The following IQSEC3 variants were observed in gnomAD, a reference collection of about 807,000 sequenced individuals.
The protein encoded by IQSEC3 is IQ motif and SEC7 domain-containing protein 3.
In IQSEC3, 50 loss-of-function variants were observed where a neutral mutation model predicts 105.4. The ratio of observed to expected loss-of-function variants is 0.47; its 90% CI spans 0.38 to 0.60. IQSEC3 has a LOEUF of 0.60. Among genes scored for constraint, IQSEC3 ranks in the 20% least tolerant of loss-of-function variants. The pLI, the probability that IQSEC3 is intolerant of heterozygous loss-of-function variation, is 0.00. For synonymous variants in IQSEC3, 708 were observed against 746.0 expected (o/e 0.95, Z 0.83); for missense variants, 1,415 against 1,630.0 (o/e 0.87, Z 2.27).
intron 1 of IQSEC3, among the ~76,000 whole-genome samples, chr12:84,720 GC>G: frequency 6.6e-6 from 1 of 152,336 alleles, no homozygotes; most frequent in Non-Finnish European, 1.5e-5. Flanking sequence ...TTCACCAGAA[GC>G]AAACAGCTGT....
At chr12:84,914 A>G (rs1555071646) in intron 1 of IQSEC3, among the ~76,000 whole-genome samples, 2 of 152,166 alleles carry the variant, frequency 1.3e-5, no homozygotes, top group African/African-American at 4.8e-5. Context: ...TCCTCTGCAG[A>G]TGCCTGGGGT....
rs55923022 is a variant in IQSEC3 at position 138,989 on chromosome 12, C to T, written c.1626C>T (p.Ala542=). ...TSGREAPEAP[A]VGREDASAED... is the part of the protein sequence containing the mutation. ...GGCGGGAGGCCCCGGAAGCCCCCGC[C>T]GTGGGCCGGGAGGACGCGTCAGCCG... Residue 542 remains alanine, a synonymous_variant, in exon 4 of 14, where the codon GCC becomes GCT. Transcript: ENST00000538872. The surrounding 1 kb of genome is among the most constrained non-coding windows in gnomAD (Gnocchi z 7.1). 130,869 of 1,534,632 alleles carry T rather than the reference C, an allele frequency of 0.085. 7,025 individuals are homozygous for T. The highest frequency in any genetic ancestry group is 0.25 in the African/African-American group (18,196 of 72,914).
intron 1 of IQSEC3, among the ~76,000 whole-genome samples, chr12:71,184 T>A (rs1863302121): frequency 1.3e-5 from 2 of 152,294 alleles, no homozygotes; most frequent in African/African-American, 4.8e-5. Flanking sequence ...TTGTCTAAGA[T>A]GCTGATGGGA....
chr12:99,833 C>T (rs1190776112), intron 2 of IQSEC3, among the ~76,000 whole-genome samples: 1 of 152,114 alleles, frequency 6.6e-6, no homozygotes, highest in Non-Finnish European at 1.5e-5. Flanking sequence ...CCTGGAGTTC[C>T]GTCTCCGTCC....
chr12:138,810 A>G lies in IQSEC3; in HGVS notation c.1447A>G (p.Met483Val). ...LPPAHSGTLM[M>V]AFRDVTVQIA... is the part of the protein sequence containing the mutation. ...CCCGGCCCACAGCGGGACCCTCATGATGGCTTTCCGGGACGTCACGGTGCA... is the reference window on the plus strand; with the variant it reads ...CCCGGCCCACAGCGGGACCCTCATGGTGGCTTTCCGGGACGTCACGGTGCA... Residue 483 changes from methionine to valine, a missense_variant, in exon 4 of 14, where the codon ATG (methionine) becomes GTG (valine). This residue lies in a region of IQSEC3 where 720 missense variants were observed against 633.0 expected (regional missense o/e 1.14). Transcript: ENST00000538872. The surrounding 1 kb of genome is among the most constrained non-coding windows in gnomAD (Gnocchi z 7.1). 6.2e-7 allele frequency: 1 copy of G among 1,609,258 alleles called. No homozygotes were observed. Among genetic ancestry groups the G allele is most frequent in the Non-Finnish European group, 8.5e-7 (1 of 1,178,834 alleles).
chr12:159,834 A>G (rs1360182793), intron 7 of IQSEC3, among the ~76,000 whole-genome samples: 4 of 151,382 alleles, frequency 2.6e-5, no homozygotes, highest in African/African-American at 4.9e-5. Context: ...ATTTCTCTGG[A>G]CTCTCTTTCT....
chr12:139,402 G>A (rs1352954711), intron 4 of IQSEC3, 48 bp downstream of exon 4: 3 of 1,440,668 alleles, frequency 2.1e-6, no homozygotes, highest in East Asian at 2.5e-5. Flanking sequence ...GTCCTGGGAG[G>A]GAGGGAAGGA....
chr12:145,178 A>G (rs935620222), intron 5 of IQSEC3, among the ~76,000 whole-genome samples: 1 of 152,230 alleles, frequency 6.6e-6, no homozygotes, highest in African/African-American at 2.4e-5. Flanking sequence ...CTCATTAGTA[A>G]AATGCTGGTA....
At chr12:119,892 G>GCTCCCAGCAGCTGAGCGAGAAGTC (rs1468286599) in intron 2 of IQSEC3, among the ~76,000 whole-genome samples, 32 of 152,298 alleles carry the variant, frequency 2.1e-4, no homozygotes, top group African/African-American at 7.7e-4. Flanking sequence ...TCTCCACAGT[G>GCTCCCAGCAGCTGAGCGAGAAGTC]CTCCCAGCAG....
chr12:134,109 AAGGAGGC>A (rs1342547060), intron 3 of IQSEC3, among the ~76,000 whole-genome samples: 2 of 152,346 alleles, frequency 1.3e-5, no homozygotes, highest in Admixed American at 6.5e-5. Context: ...TGAACACACA[AAGGAGGC>A]AGGAGCGGGA....
chr12:102,128 CGTCA>C (rs1259235494), intron 2 of IQSEC3, among the ~76,000 whole-genome samples: 1 of 147,436 alleles, frequency 6.8e-6, no homozygotes, highest in Non-Finnish European at 1.5e-5. Context: ...GCTCCTCCCC[CGTCA>C]GTCTGGCTCC....
At chr12:129,513 C>T (rs1591691510) in intron 3 of IQSEC3, among the ~76,000 whole-genome samples, 2 of 152,126 alleles carry the variant, frequency 1.3e-5, no homozygotes, top group Non-Finnish European at 2.9e-5. Context: ...CCTCTGCCTT[C>T]GACCCTCTCA....
chr12:156,505 G>A (rs933439004), intron 5 of IQSEC3, among the ~76,000 whole-genome samples: 1 of 152,142 alleles, frequency 6.6e-6, no homozygotes, highest in African/African-American at 2.4e-5. Context: ...CAGCTGGGGG[G>A]AGCTGGGCTG....
intron 3 of IQSEC3, among the ~76,000 whole-genome samples, chr12:135,687 G>T (rs1201787638): frequency 6.6e-6 from 1 of 152,240 alleles, no homozygotes; most frequent in Non-Finnish European, 1.5e-5. Flanking sequence ...TGAAGCCCCA[G>T]ACAGACACTG....
intron 11 of IQSEC3, chr12:166,176 T>C (rs1938642551): frequency 4.9e-6 from 2 of 407,242 alleles, no homozygotes; most frequent in African/African-American, 2.0e-5. Context: ...TCTGCTGTTT[T>C]ACCAGGATGA....
Position 138,737 on chromosome 12 carries a change from C to G in IQSEC3, c.1374C>G (p.Ser458Arg). 1.3e-6 allele frequency: 2 copies of G among 1,511,084 alleles called. No homozygotes were observed. Among genetic ancestry groups the G allele is most frequent in the Non-Finnish European group, 1.8e-6 (2 of 1,134,854 alleles). The allele number at this position is 1,511,084 out of a possible 1,614,324, so 93.6% of individuals were successfully genotyped here. The change falls in exon 4 of 14, where the codon AGC (serine) becomes AGG (arginine). Residue 458 changes from serine to arginine, a missense_variant. By Grantham distance (110) the Ser-to-Arg change is moderately radical. Transcript: ENST00000538872. This position sits in a 1 kb window ranked among gnomAD's most constrained non-coding sequence, Gnocchi z 7.1. Reference protein sequence around the residue: ...GLEAEGRAPESAGPGPGDDAA... With the variant: ...GLEAEGRAPERAGPGPGDDAA... ...AGGCCGAGGGGCGGGCGCCGGAGAGCGCGGGCCCCGGGCCCGGGGATGACG... is the reference window on the plus strand; with the variant it reads ...AGGCCGAGGGGCGGGCGCCGGAGAGGGCGGGCCCCGGGCCCGGGGATGACG...
intron 2 of IQSEC3, among the ~76,000 whole-genome samples, chr12:117,167 G>A (rs1286144413): frequency 6.6e-6 from 1 of 152,146 alleles, no homozygotes; most frequent in Non-Finnish European, 1.5e-5. Context: ...TGAGAATGTT[G>A]AGAGATGGGA....
Position 138,550 on chromosome 12 carries a change from C to T in IQSEC3, c.1187C>T (p.Thr396Ile). Residue 396 changes from threonine (T) to isoleucine (I), a missense_variant, in exon 4 of 14, where the codon ACC becomes ATC. Physicochemically the swap from Thr to Ile is moderately conservative, Grantham distance 89. Transcript: ENST00000538872. The surrounding 1 kb of genome is among the most constrained non-coding windows in gnomAD (Gnocchi z 7.1). ...CCGCCCACCTTCGCAGGCACCCTCA[C>T]CGAGCTGGAGGACTCCTTCACCGAG... The part of the protein sequence containing the change: ...SLPPTFAGTL[T>I]ELEDSFTEQV... 6.3e-7 allele frequency: 1 copy of T among 1,581,672 alleles called. No homozygotes were observed. Among genetic ancestry groups the T allele is most frequent in the Non-Finnish European group, 8.5e-7 (1 of 1,171,118 alleles).
intron 1 of IQSEC3, among the ~76,000 whole-genome samples, chr12:77,908 C>T (rs1282431767): frequency 1.3e-5 from 2 of 151,362 alleles, no homozygotes; most frequent in Non-Finnish European, 3.0e-5. Context: ...GTGGGCGGGC[C>T]GGCTGGCAGC....
Sources: gnomAD v4.1 joint callset for allele counts (sites outside exome capture counted in the v4.1 genomes callset) on GRCh38, gnomAD v4.1.1 for gene constraint, gnomAD v4.1.1 regional missense constraint, Gnocchi (gnomAD v3.1) non-coding constraint, MANE v1.5 for transcripts, NCBI Gene and HGNC (gene_info 2026-07-23, HGNC 2026-07-21) for gene names.